The following GRB10 variants were observed in gnomAD, a reference collection of about 807,000 sequenced individuals.
GRB10 encodes growth factor receptor-bound protein 10.
In GRB10, 20 loss-of-function variants were observed where a neutral mutation model predicts 80.9. The ratio of observed to expected loss-of-function variants is 0.25; its 90% confidence interval spans 0.17 to 0.36. GRB10 has a LOEUF of 0.36. GRB10 is among the 10% of genes least tolerant of loss of function. GRB10 has a pLI of 1.00. For synonymous variants in GRB10, 291 were observed against 291.5 expected (o/e 1.00, Z 0.02); for missense variants, 548 against 747.7 (o/e 0.73, Z 3.12).
chr7:50,783,218 G>A (rs2078493741), upstream of GRB10, among the ~76,000 whole-genome samples: 1 of 152,202 alleles, frequency 6.6e-6, no homozygotes, highest in African/African-American at 2.4e-5. Context: ...ACTCTTCCAG[G>A]ATCACTCTCG....
chr7:50,706,391 A>T (rs1407357035), intron 4 of GRB10, among the ~76,000 whole-genome samples: 3 of 152,228 alleles, frequency 2.0e-5, no homozygotes, highest in African/African-American at 4.8e-5. Context: ...CACATTTCTG[A>T]TTATTTGCTT....
chr7:50,674,332 G>T, intron 6 of GRB10, 104 bp downstream of exon 6: 1 of 1,153,482 alleles, frequency 8.7e-7, no homozygotes, highest in Non-Finnish European at 1.3e-6. Context: ...GACTTTGCAA[G>T]ACCAACACTA....
intron 2 of GRB10, among the ~76,000 whole-genome samples, chr7:50,767,077 A>G (rs1431261894): frequency 2.0e-5 from 3 of 152,202 alleles, no homozygotes; most frequent in Non-Finnish European, 4.4e-5. Context: ...TTATCTAGCA[A>G]TGTAATCGAA....
chr7:50,737,946 A>G (rs1394437939), intron 3 of GRB10, among the ~76,000 whole-genome samples: 2 of 152,192 alleles, frequency 1.3e-5, no homozygotes, highest in Non-Finnish European at 2.9e-5. Context: ...CCTCATCTAA[A>G]AAGGCACAAA....
chr7:50,744,227 A>G (rs1353120369), intron 3 of GRB10, among the ~76,000 whole-genome samples: 1 of 152,202 alleles, frequency 6.6e-6, no homozygotes, highest in African/African-American at 2.4e-5. Flanking sequence ...TGGAAAAGAA[A>G]AGAAACCGCG....
rs560063256 is a variant in GRB10 at position 50,636,572 on chromosome 7, T to C, written c.505-9594A>G. 8.5e-5 allele frequency among the ~76,000 whole-genome samples: 13 copies of C among 152,278 alleles called. 1 individual carries two copies. In the South Asian group the frequency reaches 2.5e-3, roughly 29 times the overall value. ...TTAATTCCAGGGATGCAAGGATAGTTTGACATCTGCAGATCAATAAATGTG... is the reference window on the plus strand; with the variant it reads ...TTAATTCCAGGGATGCAAGGATAGTCTGACATCTGCAGATCAATAAATGTG... On this transcript the variant is annotated intron_variant, in intron 7 of 18. Coordinates refer to ENST00000401949, the MANE Select transcript of GRB10 (RefSeq NM_001350814.2).
chr7:50,781,486 C>T (rs1474094255), intron 1 of GRB10: 1 of 152,324 alleles, frequency 6.6e-6, no homozygotes. Context: ...CCCTGGCCGC[C>T]AGCACGTCAT....
intron 12 of GRB10, among the ~76,000 whole-genome samples, chr7:50,614,397 C>A (rs1186187006): frequency 2.0e-5 from 3 of 152,182 alleles, no homozygotes; most frequent in Non-Finnish European, 2.9e-5. Flanking sequence ...GCCATCAGCT[C>A]ACTCAGTACC....
intron 4 of GRB10, among the ~76,000 whole-genome samples, chr7:50,710,016 T>C (rs534695386): frequency 6.6e-6 from 1 of 152,080 alleles, no homozygotes; most frequent in Admixed American, 6.5e-5. Flanking sequence ...GGGTGCTCAC[T>C]ATGTAGAATG....
At chr7:50,716,508 C>T (rs369613085) in intron 4 of GRB10, among the ~76,000 whole-genome samples, 13 of 151,946 alleles carry the variant, frequency 8.6e-5, no homozygotes, top group African/African-American at 2.2e-4. Flanking sequence ...CCAAGAGAAA[C>T]GGATACAGAA....
chr7:50,645,826 G>A lies in GRB10; in HGVS notation c.505-18848C>T, dbSNP rs550339291. Reference sequence around the variant, plus strand: ...AGGGAACTGTCACCAGAGCCCCAGTGGTGCGAGGCCCTAGGCAGTGAGAAG... The same window carrying A: ...AGGGAACTGTCACCAGAGCCCCAGTAGTGCGAGGCCCTAGGCAGTGAGAAG... On this transcript the variant is annotated intron_variant, in intron 7 of 18. Transcript: ENST00000401949. Among the ~76,000 whole-genome samples the A allele has an allele frequency of 5.3e-5, 8 of 152,278 alleles. No individual in the cohort carries two copies. In the South Asian group the frequency reaches 6.2e-4, roughly 12 times the overall value.
chr7:50,719,322 A>C (rs1222487296), intron 4 of GRB10, among the ~76,000 whole-genome samples: 4 of 152,222 alleles, frequency 2.6e-5, no homozygotes. Context: ...GCAAAAGAAT[A>C]TCACTGCAGG....
intron 5 of GRB10, among the ~76,000 whole-genome samples, chr7:50,676,585 G>A (rs2060978672): frequency 6.6e-6 from 1 of 152,144 alleles, no homozygotes; most frequent in South Asian, 2.1e-4. Context: ...TCTCCTACCA[G>A]GTGTGTGCTC....
chr7:50,721,395 C>T (rs1337191935), intron 4 of GRB10, among the ~76,000 whole-genome samples: 1 of 152,234 alleles, frequency 6.6e-6, no homozygotes, highest in Non-Finnish European at 1.5e-5. Context: ...ACAGAGGAGC[C>T]GTCGCAGTGA....
chr7:50,792,525 C>A (rs2078970820), intron 1 of GRB10: 1 of 398,458 alleles, frequency 2.5e-6, no homozygotes, highest in Non-Finnish European at 4.4e-6. Context: ...AGAGTTGCAT[C>A]AGAAATTTCC....
chr7:50,616,184 T>C, intron 11 of GRB10, 26 bp downstream of exon 11: 3 of 1,614,072 alleles, frequency 1.9e-6, no homozygotes, highest in Non-Finnish European at 2.5e-6. Context: ...GAATTAGGGC[T>C]GGTGGTGGTA....
chr7:50,715,897 C>T (rs554575373), intron 4 of GRB10, among the ~76,000 whole-genome samples: 2 of 152,148 alleles, frequency 1.3e-5, no homozygotes, highest in Non-Finnish European at 2.9e-5. Flanking sequence ...ATCCACATGA[C>T]GCAGCCCTAC....
chr7:50,747,252 C>T (rs944328749), intron 3 of GRB10, among the ~76,000 whole-genome samples: 2 of 152,196 alleles, frequency 1.3e-5, no homozygotes, highest in Admixed American at 6.5e-5. Context: ...TGAGCCCAGG[C>T]GCGGTAGCTG....
At chr7:50,687,744 C>T (rs1244943970) in intron 5 of GRB10, among the ~76,000 whole-genome samples, 1 of 152,098 alleles carries the variant, frequency 6.6e-6, no homozygotes, top group Non-Finnish European at 1.5e-5. Context: ...AGTACCTTGT[C>T]CTGCCAGCAG....
Sources: gnomAD v4.1 joint callset for allele counts (sites outside exome capture counted in the v4.1 genomes callset) on GRCh38, gnomAD v4.1.1 for gene constraint, MANE v1.5 for transcripts, NCBI Gene and HGNC (gene_info 2026-07-23, HGNC 2026-07-21) for gene names.